The following FAM135B variants were observed in gnomAD, a reference collection of about 807,000 sequenced individuals.
The protein encoded by FAM135B is family with sequence similarity 135 member B.
A neutral mutation model predicts 127.7 loss-of-function variants in FAM135B; 43 were observed. The observed-to-expected ratio is 0.34, with a 90% confidence interval of 0.26 to 0.43. FAM135B has a LOEUF of 0.43. Among genes scored for constraint, FAM135B ranks in the 20% least tolerant of loss-of-function variants. The pLI is 1.00. For missense variants in FAM135B, 1,558 were observed against 1,725.6 expected (o/e 0.90, Z 1.72); for synonymous variants, 670 against 665.1 (o/e 1.01, Z -0.11).
intron 3 of FAM135B, among the ~76,000 whole-genome samples, chr8:138,276,718 G>A (rs1823853321): frequency 6.6e-6 from 1 of 152,130 alleles, no homozygotes; most frequent in African/African-American, 2.4e-5. Context: ...CCTCCCTTCT[G>A]TCCATTAGGG....
At chr8:138,394,695 G>C (rs1216780370) in intron 1 of FAM135B, among the ~76,000 whole-genome samples, 1 of 149,152 alleles carries the variant, frequency 6.7e-6, no homozygotes, top group Non-Finnish European at 1.5e-5. Context: ...GAGTTCTCTC[G>C]ACCCCACAAC....
At chr8:138,195,454 T>C in intron 8 of FAM135B, 147 bp from the exon 9 acceptor site, 1 of 719,796 alleles carries the variant, frequency 1.4e-6, no homozygotes, top group Non-Finnish European at 2.4e-6. Context: ...TATTCTAACT[T>C]CCTAAAGGGA....
chr8:138,487,811 C>T (rs188121758), intron 1 of FAM135B, among the ~76,000 whole-genome samples: 15 of 152,040 alleles, frequency 9.9e-5, no homozygotes, highest in African/African-American at 3.4e-4. Flanking sequence ...AGACCAGCCT[C>T]GCCAACAAGG....
chr8:138,330,268 T>G (rs1828075377), intron 2 of FAM135B, among the ~76,000 whole-genome samples: 1 of 152,216 alleles, frequency 6.6e-6, no homozygotes, highest in Admixed American at 6.5e-5. Context: ...TTTATGTGGT[T>G]CAGGGCAATG....
Position 138,197,552 on chromosome 8 carries a change from TG to T in FAM135B, c.786del (p.Met263CysfsTer31). On this transcript the variant is annotated frameshift_variant, in exon 8 of 20. Transcript: ENST00000395297. LOFTEE classifies it high-confidence loss of function. ...TGTGGCAGCTCTGGGATGTCCCGCA[TG>T]ATCACCAGGAAGTGGAGACGGAGAC... ...YRGLRLHFLV[I>X]MRDIPELPHT... 6.2e-7 allele frequency: 1 copy of T among 1,614,088 alleles called. No homozygotes were observed. The highest frequency in any genetic ancestry group is 8.5e-7 in the Non-Finnish European group (1 of 1,180,024).
intron 2 of FAM135B, among the ~76,000 whole-genome samples, chr8:138,346,524 G>A (rs1197092607): frequency 6.6e-6 from 1 of 152,200 alleles, no homozygotes; most frequent in Admixed American, 6.5e-5. Flanking sequence ...GCAGGGACGT[G>A]GATGGAGCTG....
intron 9 of FAM135B, among the ~76,000 whole-genome samples, chr8:138,194,209 G>T (rs772932716): frequency 6.6e-6 from 1 of 151,990 alleles, no homozygotes; most frequent in Non-Finnish European, 1.5e-5. Context: ...CCCTGTTATC[G>T]CTACAAGCCA....
chr8:138,314,897 A>G (rs960405773), intron 2 of FAM135B, among the ~76,000 whole-genome samples: 10 of 150,548 alleles, frequency 6.6e-5, no homozygotes, highest in African/African-American at 2.2e-4. Context: ...AAAAAAAAAA[A>G]AAAAATTCGA....
At chr8:138,420,428 T>C (rs1449855012) in intron 1 of FAM135B, among the ~76,000 whole-genome samples, 1 of 151,952 alleles carries the variant, frequency 6.6e-6, no homozygotes, top group East Asian at 1.9e-4. Flanking sequence ...ATATAGACAG[T>C]ACAGGTGACA....
intron 4 of FAM135B, among the ~76,000 whole-genome samples, chr8:138,260,296 T>C (rs1390189712): frequency 6.6e-6 from 1 of 152,194 alleles, no homozygotes; most frequent in Non-Finnish European, 1.5e-5. Flanking sequence ...TTTACAGAAC[T>C]CAGCTTGGAG....
intron 3 of FAM135B, among the ~76,000 whole-genome samples, chr8:138,279,323 G>C (rs1313230386): frequency 6.6e-6 from 1 of 152,210 alleles, no homozygotes; most frequent in South Asian, 2.1e-4. Flanking sequence ...AGACGGAAAA[G>C]TACACAACTC....
chr8:138,236,921 A>G (rs1020190605), intron 7 of FAM135B, among the ~76,000 whole-genome samples: 39 of 152,214 alleles, frequency 2.6e-4, no homozygotes, highest in African/African-American at 9.4e-4. Flanking sequence ...TAGGGGCTAA[A>G]TAAATGGCTG....
intron 1 of FAM135B, among the ~76,000 whole-genome samples, chr8:138,422,526 A>G (rs1349343641): frequency 6.6e-6 from 1 of 152,198 alleles, no homozygotes; most frequent in African/African-American, 2.4e-5. Context: ...AATGCTCAAC[A>G]TCACTAATCA....
rs768314952 is a variant in FAM135B at position 138,152,767 on chromosome 8, C to A, written c.1708G>T (p.Val570Leu). The change falls in exon 13 of 20, where the codon GTG (valine) becomes TTG (leucine). Residue 570 changes from valine (V) to leucine (L), a missense_variant. Transcript: ENST00000395297. Reference sequence around the variant, plus strand: ...CTCTCATGCTGAGCATTGAAGGCCACCAGGGGTTCAGCTCTGGAGGGGTTC... The same window carrying A: ...CTCTCATGCTGAGCATTGAAGGCCAACAGGGGTTCAGCTCTGGAGGGGTTC... ...NKNPSRAEPL[V>L]AFNAQHESRS... 6.2e-7 allele frequency: 1 copy of A among 1,614,192 alleles called. No individual in the cohort carries two copies. The highest frequency in any genetic ancestry group is 1.7e-5 in the Admixed American group (1 of 60,024).
chr8:138,279,654 C>T (rs535030478), intron 3 of FAM135B, among the ~76,000 whole-genome samples: 27 of 152,272 alleles, frequency 1.8e-4, no homozygotes, highest in African/African-American at 5.3e-4. Flanking sequence ...AGATGCCCAT[C>T]GTTATTATTA....
rs1316518233 is a variant in FAM135B, at chr8:138,219,169, GAA to G, written c.670-21502_670-21501del. ...TGGATCTTTTATTATTTCAATATTT[GAA>G]AAGTGATTTTTCAAGATGATAGAAA... On this transcript the variant is annotated intron_variant, in intron 7 of 19. Transcript: ENST00000395297. Among the ~76,000 whole-genome samples the G allele has an allele frequency of 3.3e-5, 5 of 152,266 alleles. No homozygotes were observed. In the East Asian group the frequency reaches 7.7e-4, roughly 24 times the overall value.
chr8:138,354,228 A>G (rs1829948207), intron 2 of FAM135B, among the ~76,000 whole-genome samples: 1 of 152,086 alleles, frequency 6.6e-6, no homozygotes, highest in African/African-American at 2.4e-5. Context: ...TATAGATACA[A>G]TCCCAGCTCC....
chr8:138,248,136 A>G (rs60489423), intron 6 of FAM135B, among the ~76,000 whole-genome samples: 10,116 of 152,260 alleles, frequency 0.066, 1,021 homozygotes, highest in African/African-American at 0.22. Flanking sequence ...TAATCATTCT[A>G]AAAGCTTTCT....
At chr8:138,207,196 T>C (rs1817756070) in intron 7 of FAM135B, among the ~76,000 whole-genome samples, 1 of 150,134 alleles carries the variant, frequency 6.7e-6, no homozygotes, top group Non-Finnish European at 1.5e-5. Context: ...AATAACTCTG[T>C]GCAGTTGACT....
Sources: gnomAD v4.1 joint callset for allele counts (sites outside exome capture counted in the v4.1 genomes callset) on GRCh38, gnomAD v4.1.1 for gene constraint, MANE v1.5 for transcripts, NCBI Gene and HGNC (gene_info 2026-07-23, HGNC 2026-07-21) for gene names.